The following SPAG16 variants were observed in gnomAD, a reference collection of about 807,000 sequenced individuals.
SPAG16 encodes the protein sperm associated antigen 16.
In SPAG16, 86 loss-of-function variants were observed where a neutral mutation model predicts 80.4. The observed-to-expected ratio is 1.07, with a 90% confidence interval of 0.90 to 1.28. The LOEUF is 1.28. Among genes scored for constraint, SPAG16 ranks in the 50% most tolerant of loss-of-function variants. The pLI is 0.00. For missense variants in SPAG16, 870 were observed against 765.3 expected (o/e 1.14, Z -1.61); for synonymous variants, 294 against 265.9 (o/e 1.11, Z -1.03).
intron 9 of SPAG16, among the ~76,000 whole-genome samples, chr2:213,419,716 T>C (rs1171908546): frequency 6.6e-6 from 1 of 152,228 alleles, no homozygotes; most frequent in Non-Finnish European, 1.5e-5. Context: ...GTGCTACTTA[T>C]TGATATATGG....
At chr2:214,374,431 A>C (rs1700004521) in intron 15 of SPAG16, among the ~76,000 whole-genome samples, 1 of 152,064 alleles carries the variant, frequency 6.6e-6, no homozygotes, top group Non-Finnish European at 1.5e-5. Context: ...ATGAACATGA[A>C]CCTCTCGATA....
At chr2:213,655,529 G>C (rs1270139184) in intron 10 of SPAG16, among the ~76,000 whole-genome samples, 1 of 152,192 alleles carries the variant, frequency 6.6e-6, no homozygotes, top group African/African-American at 2.4e-5. Context: ...ACACATGTTG[G>C]GGTGGTATGG....
intron 5 of SPAG16, among the ~76,000 whole-genome samples, chr2:213,318,202 C>T (rs911808588): frequency 3.3e-5 from 5 of 151,994 alleles, no homozygotes; most frequent in African/African-American, 1.2e-4. Flanking sequence ...CACCCACACT[C>T]TTACGTTTAT....
At chr2:213,824,341 C>G (rs960227304) in intron 10 of SPAG16, among the ~76,000 whole-genome samples, 2 of 152,122 alleles carry the variant, frequency 1.3e-5, no homozygotes, top group Admixed American at 1.3e-4. Flanking sequence ...GAGAGCTTCC[C>G]CAATGTTTTC....
rs1375308984 is a variant in SPAG16, at chr2:213,488,018, G to GCAATTATTTCCAT, written c.943-1945_943-1944insCAATTATTTCCAT. Among the ~76,000 whole-genome samples the GCAATTATTTCCAT allele has an allele frequency of 1.1e-4, 16 of 151,930 alleles. No individual in the cohort carries two copies. The South Asian group carries it at 2.9e-3, about 28-fold the overall frequency. On this transcript the variant is annotated intron_variant, in intron 9 of 15. Coordinates refer to ENST00000331683, the MANE Select transcript of SPAG16 (RefSeq NM_024532.5). Reference sequence around the variant, plus strand: ...TGAATTGGCAATAATTTTTTCCATAGGCTTTTTATTTTACAGATATAAAAT... The same window carrying GCAATTATTTCCAT: ...TGAATTGGCAATAATTTTTTCCATAGCAATTATTTCCATGCTTTTTATTTTACAGATATAAAAT...
At chr2:213,690,232 G>T (rs563107448) in intron 10 of SPAG16, among the ~76,000 whole-genome samples, 5 of 152,202 alleles carry the variant, frequency 3.3e-5, no homozygotes, top group African/African-American at 1.2e-4. Context: ...TAGTCCATTT[G>T]TGCTGCTATA....
chr2:213,736,385 C>T (rs941224292), intron 10 of SPAG16, among the ~76,000 whole-genome samples: 1 of 151,292 alleles, frequency 6.6e-6, no homozygotes, highest in Non-Finnish European at 1.5e-5. Flanking sequence ...ACTTCACCTT[C>T]CAGGTTATTC....
chr2:213,562,215 TA>T (rs979848152), intron 10 of SPAG16, among the ~76,000 whole-genome samples: 1 of 152,206 alleles, frequency 6.6e-6, no homozygotes, highest in Non-Finnish European at 1.5e-5. Context: ...ATTTTGCAGG[TA>T]GGGGAGAAGA....
At chr2:214,150,661 T>C (rs1329983896) in intron 15 of SPAG16, among the ~76,000 whole-genome samples, 1 of 152,050 alleles carries the variant, frequency 6.6e-6, no homozygotes, top group East Asian at 1.9e-4. Context: ...AATTTTGAAC[T>C]CCGAAATTTC....
intron 13 of SPAG16, among the ~76,000 whole-genome samples, chr2:214,098,177 C>A (rs2052737221): frequency 6.6e-6 from 1 of 151,990 alleles, no homozygotes; most frequent in South Asian, 2.1e-4. Context: ...AGGTACAATA[C>A]AATAAATAGT....
At chr2:213,915,214 T>A (rs1010261569) in intron 11 of SPAG16, among the ~76,000 whole-genome samples, 20 of 151,954 alleles carry the variant, frequency 1.3e-4, no homozygotes, top group Non-Finnish European at 2.4e-4. Context: ...TGTGCCATGG[T>A]GGTTTGCTGC....
chr2:213,781,096 G>A (rs909519354), intron 10 of SPAG16, among the ~76,000 whole-genome samples: 3 of 152,138 alleles, frequency 2.0e-5, no homozygotes, highest in African/African-American at 7.2e-5. Flanking sequence ...GACATTATAT[G>A]TTACTCAGCA....
At chr2:214,262,481 C>A (rs530299995) in intron 15 of SPAG16, among the ~76,000 whole-genome samples, 426 of 151,996 alleles carry the variant, frequency 2.8e-3, no homozygotes, top group Middle Eastern at 0.014. Flanking sequence ...TTAATTACCA[C>A]AAAACAGCAA....
intron 12 of SPAG16, among the ~76,000 whole-genome samples, chr2:213,983,262 T>G (rs1343416395): frequency 2.0e-5 from 3 of 151,930 alleles, no homozygotes; most frequent in Non-Finnish European, 4.4e-5. Context: ...ATTTGAAAAT[T>G]TCATGTTTTA....
intron 10 of SPAG16, among the ~76,000 whole-genome samples, chr2:213,822,884 T>C (rs1270970328): frequency 6.6e-6 from 1 of 152,224 alleles, no homozygotes; most frequent in Non-Finnish European, 1.5e-5. Flanking sequence ...GCTTCATCCA[T>C]GTCCCTGCAA....
chr2:214,008,392 T>C (rs1012907264), intron 12 of SPAG16, among the ~76,000 whole-genome samples: 2 of 152,166 alleles, frequency 1.3e-5, no homozygotes, highest in African/African-American at 4.8e-5. Flanking sequence ...ATTTTTCTTG[T>C]GTATGGATTA....
chr2:214,191,772 TAA>T (rs898052706), intron 15 of SPAG16, among the ~76,000 whole-genome samples: 2 of 138,618 alleles, frequency 1.4e-5, no homozygotes, highest in African/African-American at 5.6e-5. Context: ...GAACCAATCA[TAA>T]AAAAGAGTTC....
intron 15 of SPAG16, among the ~76,000 whole-genome samples, chr2:214,259,560 C>T (rs1690979842): frequency 7.0e-6 from 1 of 143,170 alleles, no homozygotes; most frequent in East Asian, 2.1e-4. Flanking sequence ...ACACACGTTT[C>T]GGCAGATATA....
At chr2:213,714,794 G>A (rs574950954) in intron 10 of SPAG16, among the ~76,000 whole-genome samples, 3 of 152,206 alleles carry the variant, frequency 2.0e-5, no homozygotes, top group Admixed American at 6.5e-5. Flanking sequence ...TAAACCCAAC[G>A]AATCTGGTAA....
Sources: allele counts gnomAD v4.1 joint callset (sites outside exome capture counted in the v4.1 genomes callset), GRCh38; gene constraint gnomAD v4.1.1; transcripts MANE v1.5; gene names NCBI Gene and HGNC (gene_info 2026-07-23, HGNC 2026-07-21).